Variants in LDLRAD4 observed in about 807,000 individuals in gnomAD.
The protein encoded by LDLRAD4 is low density lipoprotein receptor class A domain containing 4.
Under a neutral mutation model 17.0 loss-of-function variants are expected in LDLRAD4, and 5 were observed. The ratio of observed to expected loss-of-function variants is 0.29; its 90% CI spans 0.15 to 0.62. The LOEUF (loss-of-function observed/expected upper bound fraction) is 0.62. Ranked by LOEUF, LDLRAD4 falls within the 20% of genes least tolerant of loss-of-function variation. LDLRAD4 has a pLI of 0.84. For synonymous variants in LDLRAD4, 168 were observed against 171.8 expected, an observed-to-expected ratio of 0.98 and a Z score of 0.17; for missense variants, 340 against 424.7, an observed-to-expected ratio of 0.80 and a Z score of 1.75.
intron 1 of LDLRAD4, among the ~76,000 whole-genome samples, chr18:13,351,602 T>A (rs1177470711): frequency 6.6e-6 from 1 of 152,012 alleles, no homozygotes; most frequent in Non-Finnish European, 1.5e-5. Flanking sequence ...CAATAACAAG[T>A]TCTGAAATTG....
chr18:13,612,946 C>G, intron 3 of LDLRAD4: 2 of 658,546 alleles, frequency 3.0e-6, no homozygotes, highest in Non-Finnish European at 5.2e-6. Flanking sequence ...GTGGGACTCC[C>G]TTTAGGAAGA....
chr18:13,513,870 G>T (rs906065785), intron 3 of LDLRAD4, among the ~76,000 whole-genome samples: 1 of 152,188 alleles, frequency 6.6e-6, no homozygotes, highest in African/African-American at 2.4e-5. Flanking sequence ...CTGATTCAAA[G>T]TCAGAACTTG....
At chr18:13,377,077 C>T (rs149866913) in intron 1 of LDLRAD4, among the ~76,000 whole-genome samples, 3 of 152,190 alleles carry the variant, frequency 2.0e-5, no homozygotes, top group Non-Finnish European at 1.5e-5. Flanking sequence ...GAAGGTGCAT[C>T]GAGTCGGGAC....
chr18:13,407,016 C>T (rs975409534), intron 2 of LDLRAD4, among the ~76,000 whole-genome samples: 2 of 152,110 alleles, frequency 1.3e-5, no homozygotes, highest in African/African-American at 2.4e-5. Flanking sequence ...TTCATATGTG[C>T]GATAAACTTA....
At chr18:13,363,523 G>A (rs1599686087) in intron 1 of LDLRAD4, among the ~76,000 whole-genome samples, 3 of 152,246 alleles carry the variant, frequency 2.0e-5, no homozygotes, top group Non-Finnish European at 2.9e-5. Context: ...TCTAAACAAA[G>A]CCAAACCTGT....
At chr18:13,439,828 A>G (rs2090910351) in intron 3 of LDLRAD4, among the ~76,000 whole-genome samples, 2 of 152,004 alleles carry the variant, frequency 1.3e-5, no homozygotes, top group Non-Finnish European at 2.9e-5. Context: ...GCCCTGAGGA[A>G]CCCTGCTTGT....
chr18:13,500,951 T>A (rs1397448827), intron 3 of LDLRAD4: 1 of 152,186 alleles, frequency 6.6e-6, no homozygotes, highest in African/African-American at 2.4e-5. Context: ...ACTAGGAAGG[T>A]CGCTTCAAGG....
intron 4 of LDLRAD4, among the ~76,000 whole-genome samples, chr18:13,637,636 CG>C (rs2042187750): frequency 6.6e-6 from 1 of 152,060 alleles, no homozygotes; most frequent in East Asian, 1.9e-4. Flanking sequence ...GAGGCCGAGG[CG>C]GGTGGATCAC....
chr18:13,373,516 A>G (rs887431997), intron 1 of LDLRAD4, among the ~76,000 whole-genome samples: 1 of 152,198 alleles, frequency 6.6e-6, no homozygotes, highest in Non-Finnish European at 1.5e-5. Flanking sequence ...CATTTTTAGA[A>G]TCAGAAGATT....
intron 4 of LDLRAD4, among the ~76,000 whole-genome samples, chr18:13,641,034 GTA>G (rs1199996592): frequency 6.6e-6 from 1 of 152,184 alleles, no homozygotes; most frequent in Non-Finnish European, 1.5e-5. Flanking sequence ...AAGGGAGAAT[GTA>G]TACATGTATT....
chr18:13,259,566 A>C (rs568215199), intron 1 of LDLRAD4, among the ~76,000 whole-genome samples: 1 of 152,314 alleles, frequency 6.6e-6, no homozygotes, highest in South Asian at 2.1e-4. Context: ...TTAGTGAAAG[A>C]AACCACATGC....
intron 3 of LDLRAD4, among the ~76,000 whole-genome samples, chr18:13,571,609 G>T (rs969775674): frequency 3.3e-5 from 5 of 152,110 alleles, no homozygotes; most frequent in African/African-American, 7.2e-5. Flanking sequence ...TCTGAAAAAT[G>T]ATATAGAGCA....
rs751827007 is a variant in LDLRAD4 at position 13,621,312 on chromosome 18, G to C, written c.336+41G>C. The C allele has an allele frequency of 2.6e-6, 4 of 1,529,180 alleles. No individual in the cohort carries two copies. The East Asian group carries it at 6.7e-5, about 26-fold the overall frequency. The allele number at this position is 1,529,180 out of a possible 1,614,324, so 94.7% of individuals were successfully genotyped here. ...GCCCCGGCTCCAGAGTCAGGCAGCT[G>C]CAAGAGGCTTAGGAGCCCATCAGGG... On this transcript the variant is annotated intron_variant, in intron 4 of 5. Coordinates refer to ENST00000359446, the Ensembl canonical transcript of LDLRAD4. The surrounding 1 kb of genome is among the most constrained non-coding windows in gnomAD (Gnocchi z 5.5).
chr18:13,373,925 A>C (rs1031864096), intron 1 of LDLRAD4, among the ~76,000 whole-genome samples: 2 of 152,242 alleles, frequency 1.3e-5, no homozygotes, highest in Non-Finnish European at 2.9e-5. Flanking sequence ...ACACGTGTAC[A>C]GTTCCATTCT....
At chr18:13,626,162 A>G (rs1601794773) in intron 4 of LDLRAD4, among the ~76,000 whole-genome samples, 1 of 152,154 alleles carries the variant, frequency 6.6e-6, no homozygotes, top group African/African-American at 2.4e-5. Context: ...GCGGGTCCGG[A>G]TCTGCATCCT....
chr18:13,363,200 T>C (rs1027028982), intron 1 of LDLRAD4, among the ~76,000 whole-genome samples: 42 of 151,514 alleles, frequency 2.8e-4, no homozygotes, highest in African/African-American at 9.9e-4. Flanking sequence ...GGCGTGGTGG[T>C]GGGTGCCTGT....
chr18:13,624,310 C>T (rs1217782219), intron 4 of LDLRAD4, among the ~76,000 whole-genome samples: 3 of 152,242 alleles, frequency 2.0e-5, no homozygotes, highest in Middle Eastern at 3.2e-3. Context: ...CCCAGCAGTA[C>T]GAGTTTGGGG....
At chr18:13,445,658 G>A (rs1363304276) in intron 3 of LDLRAD4, among the ~76,000 whole-genome samples, 2 of 151,636 alleles carry the variant, frequency 1.3e-5, no homozygotes, top group East Asian at 3.9e-4. Flanking sequence ...ATTTGTGCAT[G>A]AGTGTGTTTG....
At chr18:13,576,858 C>G (rs564741075) in intron 3 of LDLRAD4, among the ~76,000 whole-genome samples, 1 of 152,334 alleles carries the variant, frequency 6.6e-6, no homozygotes, top group South Asian at 2.1e-4. Context: ...CTGGGGTGCC[C>G]ATGAGCTCCG....
Sources: gnomAD v4.1 joint callset for allele counts (sites outside exome capture counted in the v4.1 genomes callset) on GRCh38, gnomAD v4.1.1 for gene constraint, Gnocchi (gnomAD v3.1) non-coding constraint, MANE v1.5 for transcripts, NCBI Gene and HGNC (gene_info 2026-07-23, HGNC 2026-07-21) for gene names.